The following PRPF18 variants were observed in gnomAD, a reference collection of about 807,000 sequenced individuals.
PRPF18 encodes pre-mRNA processing factor 18.
In PRPF18, 38 loss-of-function variants were observed where a neutral mutation model predicts 46.5. That is an observed-to-expected ratio of 0.82 (90% CI 0.63 to 1.07). The LOEUF (loss-of-function observed/expected upper bound fraction) is 1.07, where lower values mean the gene tolerates loss of function less well. PRPF18 is among the 50% of genes least tolerant of loss of function. The pLI, the probability that PRPF18 is intolerant of heterozygous loss-of-function variation, is 0.00. For synonymous variants in PRPF18, 152 were observed against 146.7 expected (o/e 1.04, Z -0.26); for missense variants, 263 against 410.0 (o/e 0.64, Z 3.10).
intron 1 of PRPF18, among the ~76,000 whole-genome samples, chr10:13,594,701 C>T (rs1165455330): frequency 6.6e-6 from 1 of 152,180 alleles, no homozygotes; most frequent in African/African-American, 2.4e-5. Flanking sequence ...TATTGGGAAG[C>T]TATTAAGCTC....
intron 1 of PRPF18, among the ~76,000 whole-genome samples, chr10:13,596,285 C>A (rs1289024535): frequency 1.3e-5 from 2 of 152,220 alleles, no homozygotes; most frequent in African/African-American, 4.8e-5. Context: ...CTACATTTAA[C>A]AAGGATACTT....
At chr10:13,645,262 T>C in the PRPF18 span, 1 of 152,182 alleles carries the variant, frequency 6.6e-6, no homozygotes, top group Non-Finnish European at 1.5e-5. Flanking sequence ...CTAACTTCAG[T>C]TCTGCTTTCC....
intron 5 of PRPF18, among the ~76,000 whole-genome samples, chr10:13,610,692 C>T (rs1589128997): frequency 6.6e-6 from 1 of 152,162 alleles, no homozygotes; most frequent in Non-Finnish European, 1.5e-5. Flanking sequence ...CTCTCTCCTA[C>T]CACAAACAGC....
chr10:13,630,193 C>A, intron 9 of PRPF18, 67 bp from the exon 10 acceptor site: 1 of 1,280,058 alleles, frequency 7.8e-7, no homozygotes, highest in South Asian at 1.2e-5. Context: ...ATAACGAGTT[C>A]AGAGGAAGGC....
chr10:13,639,941 A>G, the PRPF18 span: 1 of 152,214 alleles, frequency 6.6e-6, no homozygotes, highest in Non-Finnish European at 1.5e-5. Flanking sequence ...CCAGAAGCTG[A>G]GCAGTGGCTG....
At chr10:13,652,355 T>G in the PRPF18 span, 1 of 228,924 alleles carries the variant, frequency 4.4e-6, no homozygotes, top group African/African-American at 2.3e-5. Context: ...GGCTTGTACA[T>G]TTCGGAGCCT....
chr10:13,633,413 C>T (rs1240030665), downstream of PRPF18, among the ~76,000 whole-genome samples: 1 of 152,164 alleles, frequency 6.6e-6, no homozygotes, highest in African/African-American at 2.4e-5. Context: ...CAGTAAATAA[C>T]TTGGAAATGC....
chr10:13,634,916 A>G (rs985897281), downstream of PRPF18, among the ~76,000 whole-genome samples: 9 of 152,110 alleles, frequency 5.9e-5, no homozygotes, highest in Admixed American at 4.6e-4. Context: ...TTTCAGGGGT[A>G]TATGTGCAGG....
intron 9 of PRPF18, among the ~76,000 whole-genome samples, chr10:13,628,659 T>C: frequency 6.6e-6 from 1 of 152,232 alleles, no homozygotes; most frequent in Non-Finnish European, 1.5e-5. Context: ...TTGTGTTGTC[T>C]GCTTACTATG....
intron 9 of PRPF18, among the ~76,000 whole-genome samples, chr10:13,626,942 C>T (rs531133595): frequency 1.3e-5 from 2 of 152,152 alleles, no homozygotes; most frequent in Non-Finnish European, 2.9e-5. Context: ...AGCCCGATCC[C>T]TTCTCACCAC....
At chr10:13,635,026 T>C (rs1325576374), downstream of PRPF18, among the ~76,000 whole-genome samples, 1 of 152,206 alleles carries the variant, frequency 6.6e-6, no homozygotes, top group African/African-American at 2.4e-5. Context: ...CTAGCTATTC[T>C]TCCTGATCCT....
At chr10:13,646,509 TG>T in the PRPF18 span, 2 of 152,282 alleles carry the variant, frequency 1.3e-5, no homozygotes, top group Non-Finnish European at 2.9e-5. Context: ...AGTGCTTGGT[TG>T]GCCTACGTAT....
Position 13,613,891 on chromosome 10 carries a change from C to G in PRPF18, c.720+10C>G. 6.3e-7 allele frequency: 1 copy of G among 1,593,904 alleles called. No homozygotes were observed. The highest frequency in any genetic ancestry group is 8.5e-7 in the Non-Finnish European group (1 of 1,174,958). On this transcript the variant is annotated intron_variant, in intron 7 of 9. Coordinates refer to ENST00000378572, the MANE Select transcript of PRPF18 (RefSeq NM_003675.4). ...AAAGCTACGGAAAAGGGTGAGGTTTCTTGGAAAATACTTTTTTTAACTGAC... is the reference window on the plus strand; with the variant it reads ...AAAGCTACGGAAAAGGGTGAGGTTTGTTGGAAAATACTTTTTTTAACTGAC...
chr10:13,629,285 A>G (rs1027823074), intron 9 of PRPF18, among the ~76,000 whole-genome samples: 1 of 152,222 alleles, frequency 6.6e-6, no homozygotes, highest in Non-Finnish European at 1.5e-5. Flanking sequence ...TGCAGTGACT[A>G]CTTCTAGTGA....
chr10:13,623,279 T>G (rs17153614), intron 9 of PRPF18, among the ~76,000 whole-genome samples: 36,044 of 152,146 alleles, frequency 0.24, 4,683 homozygotes, highest in East Asian at 0.56. Context: ...AAATGTTAGT[T>G]GAAATGATAG....
At position 13,596,163 on chromosome 10, in the gene PRPF18, A is replaced by AT. The variant is rs1454491652; in HGVS notation, c.67-1289dup. ...CGTTGTCATTTTCTCAACTTGGCTG[A>AT]TTTTTTCCATGCCATTGACTTGCTG... is the stretch of plus-strand genomic sequence containing the variant. On this transcript the variant is annotated intron_variant, in intron 1 of 9. Transcript: ENST00000378572. 9.9e-5 allele frequency among the ~76,000 whole-genome samples: 15 copies of AT among 152,144 alleles called. No individual in the cohort carries two copies. The East Asian group carries it at 2.7e-3, about 27-fold the overall frequency.
chr10:13,653,312 G>C, the PRPF18 span: 10 of 152,250 alleles, frequency 6.6e-5, no homozygotes, highest in South Asian at 6.2e-4. Context: ...TCAGGAGTTC[G>C]AGACCAGCCT....
chr10:13,628,578 T>G (rs761624660), intron 9 of PRPF18, among the ~76,000 whole-genome samples: 1 of 152,248 alleles, frequency 6.6e-6, no homozygotes, highest in Non-Finnish European at 1.5e-5. Context: ...CGTTTTTTTC[T>G]GAATATTTTT....
At chr10:13,642,565 A>G in the PRPF18 span, 3 of 152,240 alleles carry the variant, frequency 2.0e-5, no homozygotes, top group South Asian at 4.1e-4. Context: ...AAACAGATTG[A>G]TAGATGAAGA....
Sources: gnomAD v4.1 joint callset for allele counts (sites outside exome capture counted in the v4.1 genomes callset) on GRCh38, gnomAD v4.1.1 for gene constraint, MANE v1.5 for transcripts, NCBI Gene and HGNC (gene_info 2026-07-23, HGNC 2026-07-21) for gene names.